UNC5D: variants seen among roughly 807,000 people sequenced by gnomAD.
UNC5D encodes the protein netrin receptor UNC5D.
UNC5D carries 39 observed loss-of-function variants against 105.4 expected under a neutral mutation model. The observed-to-expected ratio is 0.37, with a 90% CI of 0.29 to 0.48. The LOEUF (loss-of-function observed/expected upper bound fraction) is 0.48. UNC5D is among the 20% of genes least tolerant of loss of function. The probability of loss-of-function intolerance (pLI) is 0.98; values close to 1 mark genes in which losing one functional copy is unlikely to be tolerated. For synonymous variants in UNC5D, 452 were observed against 450.4 expected (o/e 1.00, Z -0.04); for missense variants, 991 against 1,202.4 (o/e 0.82, Z 2.60).
chr8:35,253,457 G>A (rs1286689557), intron 1 of UNC5D, among the ~76,000 whole-genome samples: 2 of 139,932 alleles, frequency 1.4e-5, no homozygotes, highest in Non-Finnish European at 3.1e-5. Flanking sequence ...AGAGTTTGGA[G>A]TAGAGATTTT....
At chr8:35,525,593 G>A (rs534509820) in intron 1 of UNC5D, 3 of 1,613,194 alleles carry the variant, frequency 1.9e-6, no homozygotes, top group East Asian at 4.5e-5. Context: ...GTAAGTTTAT[G>A]AGCAAGATGT....
At chr8:35,266,806 G>GC (rs5890802) in intron 1 of UNC5D, among the ~76,000 whole-genome samples, 68,184 of 151,930 alleles carry the variant, frequency 0.45, 15,645 homozygotes, top group East Asian at 0.7. Flanking sequence ...GGTTAATGGA[G>GC]CACCTACACA....
intron 16 of UNC5D, among the ~76,000 whole-genome samples, chr8:35,782,951 A>G (rs1270897935): frequency 6.6e-6 from 1 of 152,102 alleles, no homozygotes; most frequent in East Asian, 1.9e-4. Context: ...CCCTGGCAAC[A>G]TTGTGAGACC....
chr8:35,353,902 C>T (rs1313995138), intron 1 of UNC5D, among the ~76,000 whole-genome samples: 1 of 152,094 alleles, frequency 6.6e-6, no homozygotes, highest in African/African-American at 2.4e-5. Flanking sequence ...ATATTTGTTG[C>T]TTCCAGGGAA....
chr8:35,626,259 C>G (rs1014775140), intron 4 of UNC5D, among the ~76,000 whole-genome samples: 3 of 150,948 alleles, frequency 2.0e-5, no homozygotes, highest in Non-Finnish European at 2.9e-5. Context: ...TATATAAACT[C>G]TATATATTAT....
At chr8:35,511,303 G>T (rs1045677879) in intron 1 of UNC5D, among the ~76,000 whole-genome samples, 3 of 151,968 alleles carry the variant, frequency 2.0e-5, no homozygotes, top group Admixed American at 1.3e-4. Flanking sequence ...TAATAATTCT[G>T]TGTGCACTCT....
intron 3 of UNC5D, among the ~76,000 whole-genome samples, chr8:35,574,481 GAAATT>G (rs1319791900): frequency 2.6e-5 from 4 of 152,096 alleles, no homozygotes; most frequent in African/African-American, 9.7e-5. Flanking sequence ...AAGGAGTAAA[GAAATT>G]AAAAGAGAAT....
At chr8:35,613,404 T>C (rs1020284702) in intron 4 of UNC5D, among the ~76,000 whole-genome samples, 2 of 152,240 alleles carry the variant, frequency 1.3e-5, no homozygotes, top group Admixed American at 1.3e-4. Context: ...GGAGTCGTTG[T>C]TGAGTGTACC....
chr8:35,241,006 G>A (rs773258783), intron 1 of UNC5D, among the ~76,000 whole-genome samples: 4 of 152,078 alleles, frequency 2.6e-5, no homozygotes, highest in Admixed American at 2.0e-4. Context: ...TCCATGGAAC[G>A]GCAGATCCCA....
At chr8:35,657,080 G>GTGTGTGTGTGTGTA (rs1281641556) in intron 4 of UNC5D, among the ~76,000 whole-genome samples, 1 of 46,516 alleles carries the variant, frequency 2.1e-5, no homozygotes, top group African/African-American at 1.1e-4. Context: ...GTGTGTGTGT[G>GTGTGTGTGTGTGTA]TATATATATA....
At chr8:35,633,112 C>T (rs959564980) in intron 4 of UNC5D, among the ~76,000 whole-genome samples, 7 of 152,142 alleles carry the variant, frequency 4.6e-5, no homozygotes, top group Non-Finnish European at 8.8e-5. Context: ...CCAATAGCAC[C>T]CCTGACAGTA....
intron 1 of UNC5D, chr8:35,525,329 T>A (rs1813787379): frequency 9.9e-6 from 16 of 1,612,190 alleles, no homozygotes; most frequent in Non-Finnish European, 1.4e-5. Flanking sequence ...CCACTTGATA[T>A]GGGGGTGTAA....
rs775831187 is a variant in UNC5D, at chr8:35,544,595, GTTTTTTTTTTTT to G, written c.104-4683_104-4672del. The G allele has an allele frequency of 1.6e-5, 9 of 573,128 alleles. No individual in the cohort carries two copies. The Admixed American group carries it at 3.2e-4, about 20-fold the overall frequency. 35.5% of individuals were successfully genotyped at this position (573,128 alleles called of 1,614,324 possible). A position where few individuals can be genotyped will look rare whatever the true frequency, so the allele number is the denominator to read the frequency against. ...CAACCACACCTATTCTTTCGTTTTC[GTTTTTTTTTTTT>G]TTTTTTTTTTTTTGAGACAGAGTCT... On this transcript the variant is annotated intron_variant, in intron 1 of 16. Transcript: ENST00000404895.
intron 1 of UNC5D, among the ~76,000 whole-genome samples, chr8:35,453,732 G>T (rs542460809): frequency 6.6e-6 from 1 of 152,192 alleles, no homozygotes; most frequent in African/African-American, 2.4e-5. Flanking sequence ...TCTCAAGGGG[G>T]TAGCATATTC....
intron 2 of UNC5D, among the ~76,000 whole-genome samples, chr8:35,555,875 GCACACACA>G (rs56788274): frequency 0.14 from 18,579 of 133,962 alleles, 1,440 homozygotes; most frequent in South Asian, 0.19. Context: ...TAAAAAAACA[GCACACACA>G]CACACACACA....
At position 35,556,584 on chromosome 8, in the gene UNC5D, G is replaced by A. The variant is rs1340022706; in HGVS notation, c.322+7074G>A. On this transcript the variant is annotated intron_variant, in intron 2 of 16. Coordinates refer to ENST00000404895, the MANE Select transcript of UNC5D (RefSeq NM_080872.4). The stretch of plus-strand genomic sequence containing the variant: ...CAGAATAGGATGTTCCTGAAAGTAA[G>A]AGGAGGAACACATCCACTGTAGGTA... 2.6e-5 allele frequency among the ~76,000 whole-genome samples: 4 copies of A among 152,032 alleles called. No individual in the cohort carries two copies. The East Asian group carries it at 5.8e-4, about 22-fold the overall frequency.
chr8:35,567,271 T>C (rs1051280200), intron 2 of UNC5D, among the ~76,000 whole-genome samples: 84 of 152,098 alleles, frequency 5.5e-4, no homozygotes, highest in African/African-American at 2.0e-3. Flanking sequence ...GATGTATCAA[T>C]GAAAAAATAC....
rs1802726185 is a variant in UNC5D, at chr8:35,376,852, C to T, written c.103+140965C>T. 2.0e-5 allele frequency among the ~76,000 whole-genome samples: 3 copies of T among 152,178 alleles called. No individual in the cohort carries two copies. The South Asian group carries it at 6.2e-4, about 32-fold the overall frequency. ...GTTCATCCGCCAGGAATGATCACTGCTATGTCACCATCAGTCCACGACTTA... is the reference window on the plus strand; with the variant it reads ...GTTCATCCGCCAGGAATGATCACTGTTATGTCACCATCAGTCCACGACTTA... On this transcript the variant is annotated intron_variant, in intron 1 of 16. Coordinates refer to ENST00000404895, the MANE Select transcript of UNC5D (RefSeq NM_080872.4).
chr8:35,512,284 G>A (rs1026771694), intron 1 of UNC5D, among the ~76,000 whole-genome samples: 1 of 150,910 alleles, frequency 6.6e-6, no homozygotes. Flanking sequence ...CACTTTGGTG[G>A]GCAGAGGCAA....
Sources: allele counts gnomAD v4.1 joint callset (sites outside exome capture counted in the v4.1 genomes callset), GRCh38; gene constraint gnomAD v4.1.1; transcripts MANE v1.5; gene names NCBI Gene and HGNC (gene_info 2026-07-23, HGNC 2026-07-21).